Variants in SPATA3 observed in about 807,000 individuals in gnomAD.
SPATA3 encodes the protein spermatogenesis associated 3.
SPATA3 carries 6 observed loss-of-function variants against 5.7 expected under a neutral mutation model. The ratio of observed to expected loss-of-function variants is 1.06; its 90% CI spans 0.58 to 2.09. The LOEUF (loss-of-function observed/expected upper bound fraction) is 2.09, where lower values mean the gene tolerates loss of function less well. Among genes scored for constraint, SPATA3 ranks in the 30% most tolerant of loss-of-function variants. The pLI, the probability that SPATA3 is intolerant of heterozygous loss-of-function variation, is 0.00. For synonymous variants in SPATA3, 44 were observed against 48.4 expected, an observed-to-expected ratio of 0.91 and a Z score of 0.37; for missense variants, 155 against 130.4, an observed-to-expected ratio of 1.19 and a Z score of -0.92.
intron 1 of SPATA3, chr2:230,996,475 C>T: frequency 2.6e-6 from 4 of 1,552,302 alleles, no homozygotes; most frequent in Non-Finnish European, 3.5e-6. Flanking sequence ...CGCCGCTCCT[C>T]TTGCTGCCTT....
chr2:231,012,371 C>G (rs1277829235), intron 4 of SPATA3, among the ~76,000 whole-genome samples: 9 of 152,202 alleles, frequency 5.9e-5, no homozygotes, highest in African/African-American at 2.2e-4. Context: ...AGAAGAAGCT[C>G]ACCTTTCGAG....
chr2:231,009,588 C>T (rs947823494), downstream of SPATA3, among the ~76,000 whole-genome samples: 3 of 152,266 alleles, frequency 2.0e-5, no homozygotes, highest in Non-Finnish European at 1.5e-5. Flanking sequence ...ATCTCTCCCA[C>T]ACTGGCCTTG....
chr2:231,006,022 G>C (rs1692611987), downstream of SPATA3, among the ~76,000 whole-genome samples: 1 of 148,920 alleles, frequency 6.7e-6, no homozygotes, highest in Non-Finnish European at 1.5e-5. Flanking sequence ...AAAAGAGAAA[G>C]AAGAAGAAAA....
chr2:230,996,528 A>G, intron 1 of SPATA3: 2 of 1,551,726 alleles, frequency 1.3e-6, no homozygotes, highest in Non-Finnish European at 1.7e-6. Context: ...TCAATCCAGG[A>G]AAGCAGGTGG....
chr2:231,013,114 C>G (rs142605612), intron 5 of SPATA3, among the ~76,000 whole-genome samples: 167 of 152,300 alleles, frequency 1.1e-3, no homozygotes, highest in African/African-American at 3.9e-3. Flanking sequence ...CTTCTGTCCT[C>G]AGACTTACCC....
At chr2:230,996,251 G>C in intron 1 of SPATA3, 1 of 1,549,324 alleles carries the variant, frequency 6.5e-7, no homozygotes, top group Non-Finnish European at 8.7e-7. Context: ...AGGTCAAGAA[G>C]AAAAGGTCAG....
chr2:231,015,250 G>GTT (rs1418499496), intron 6 of SPATA3, among the ~76,000 whole-genome samples: 1 of 126,648 alleles, frequency 7.9e-6, no homozygotes, highest in Admixed American at 8.5e-5. Flanking sequence ...GCTAACTATC[G>GTT]TTTTGGCTTT....
At chr2:231,005,502 T>C (rs1249771204), downstream of SPATA3, among the ~76,000 whole-genome samples, 58 of 33,788 alleles carry the variant, frequency 1.7e-3, no homozygotes, top group East Asian at 2.3e-3. Flanking sequence ...ACCACCATCA[T>C]CACCACCACC....
intron 6 of SPATA3, among the ~76,000 whole-genome samples, chr2:231,016,998 T>C (rs1692953847): frequency 6.6e-6 from 1 of 152,258 alleles, no homozygotes; most frequent in Non-Finnish European, 1.5e-5. Flanking sequence ...TTCCCACTTC[T>C]CAAAGAAATC....
chr2:230,997,250 T>C (rs1164592123), intron 1 of SPATA3, among the ~76,000 whole-genome samples: 1 of 152,180 alleles, frequency 6.6e-6, no homozygotes, highest in African/African-American at 2.4e-5. Context: ...TTTCATGAGA[T>C]CTAATGGTTT....
At chr2:231,018,071 C>T (rs1007738090) in intron 6 of SPATA3, among the ~76,000 whole-genome samples, 2 of 152,014 alleles carry the variant, frequency 1.3e-5, no homozygotes, top group African/African-American at 2.4e-5. Flanking sequence ...ATTACAGGAG[C>T]ACACCACCCC....
chr2:231,001,261 T>G (rs898558822), intron 2 of SPATA3, among the ~76,000 whole-genome samples: 6 of 152,148 alleles, frequency 3.9e-5, no homozygotes, highest in Non-Finnish European at 4.4e-5. Flanking sequence ...TGTTCCCACG[T>G]TTGGGCGCTG....
downstream of SPATA3, among the ~76,000 whole-genome samples, chr2:231,005,004 T>TCAC (rs1280847707): frequency 2.9e-5 from 1 of 33,902 alleles, no homozygotes. Context: ...CTCACCATCA[T>TCAC]CACCACCATC....
At chr2:231,000,689 T>A (rs892302519) in intron 2 of SPATA3, among the ~76,000 whole-genome samples, 152 bp downstream of exon 2, 3 of 152,202 alleles carry the variant, frequency 2.0e-5, no homozygotes, top group Non-Finnish European at 4.4e-5. Flanking sequence ...GCCCACTTCC[T>A]GGACGTTGGC....
chr2:231,006,678 A>C (rs1692638020), downstream of SPATA3: 2 of 152,352 alleles, frequency 1.3e-5, no homozygotes, highest in African/African-American at 2.4e-5. Flanking sequence ...TTGTAGGCTC[A>C]GCTCTTAATC....
At chr2:231,001,031 C>A (rs955634057) in intron 2 of SPATA3, among the ~76,000 whole-genome samples, 1 of 152,322 alleles carries the variant, frequency 6.6e-6, no homozygotes, top group East Asian at 1.9e-4. Flanking sequence ...CTCCTCCACA[C>A]AATAGCAAGA....
intron 2 of SPATA3, among the ~76,000 whole-genome samples, chr2:231,002,046 GAGACAGGGTCCATATCTGGCCAGGGCA>G (rs982560213): frequency 7.9e-5 from 12 of 152,238 alleles, no homozygotes; most frequent in Non-Finnish European, 1.5e-4. Context: ...TGAGCAGGGA[GAGACAGGGTCCATATCTGGCCAGGGCA>G]AGACATGTAG....
chr2:231,004,560 A>T (rs1381102670), downstream of SPATA3, among the ~76,000 whole-genome samples: 4 of 152,180 alleles, frequency 2.6e-5, no homozygotes, highest in Non-Finnish European at 5.9e-5. Context: ...GGATGTGTGG[A>T]AGTGCTGAGC....
chr2:231,004,898 A>T (rs1692481930), downstream of SPATA3, among the ~76,000 whole-genome samples: 1 of 152,046 alleles, frequency 6.6e-6, no homozygotes, highest in South Asian at 2.1e-4. Flanking sequence ...CAGGATAAGC[A>T]CTCAACATAG....
Sources: gnomAD v4.1 joint callset for allele counts (sites outside exome capture counted in the v4.1 genomes callset) on GRCh38, gnomAD v4.1.1 for gene constraint, MANE v1.5 for transcripts, NCBI Gene and HGNC (gene_info 2026-07-23, HGNC 2026-07-21) for gene names.